TTK: variants seen among roughly 807,000 people sequenced by gnomAD.
TTK encodes dual specificity protein kinase TTK.
In TTK, 59 loss-of-function variants were observed where a neutral mutation model predicts 117.3. The ratio of observed to expected loss-of-function variants is 0.50; its 90% CI spans 0.41 to 0.62. The LOEUF is 0.62. Ranked by LOEUF, TTK falls within the 20% of genes least tolerant of loss-of-function variation. The pLI is 0.00. For synonymous variants in TTK, 302 were observed against 325.0 expected (o/e 0.93, Z 0.76); for missense variants, 921 against 989.4 (o/e 0.93, Z 0.93).
chr6:80,018,073 G>A (rs1461287294), intron 10 of TTK, among the ~76,000 whole-genome samples: 1 of 151,920 alleles, frequency 6.6e-6, no homozygotes, highest in African/African-American at 2.4e-5. Context: ...TATGCAGGAG[G>A]CTGAGGTGAA....
intron 16 of TTK, 33 bp from the exon 17 acceptor site, chr6:80,036,442 T>C (rs1466879419): frequency 1.9e-6 from 3 of 1,570,326 alleles, no homozygotes; most frequent in Non-Finnish European, 1.7e-6. Context: ...TGTTTTGCAT[T>C]GTTTAATATT....
chr6:80,013,396 C>G, intron 9 of TTK, 30 bp downstream of exon 9: 2 of 1,540,350 alleles, frequency 1.3e-6, no homozygotes, highest in Non-Finnish European at 1.8e-6. Flanking sequence ...TTATATAAAG[C>G]AAGGGTTCCT....
intron 13 of TTK, among the ~76,000 whole-genome samples, chr6:80,029,196 T>C (rs900482442): frequency 2.6e-5 from 4 of 152,164 alleles, no homozygotes; most frequent in Admixed American, 2.6e-4. Flanking sequence ...AGTTACTGTT[T>C]AATGGGTATA....
chr6:80,030,939 G>A (rs1160363864), intron 13 of TTK, among the ~76,000 whole-genome samples: 7 of 151,616 alleles, frequency 4.6e-5, no homozygotes, highest in African/African-American at 1.2e-4. Context: ...CCAGCTACTC[G>A]GGAGGCTGAG....
chr6:80,013,171 A>G (rs1022507796), intron 8 of TTK, 108 bp from the exon 9 acceptor site: 2 of 846,900 alleles, frequency 2.4e-6, no homozygotes, highest in East Asian at 3.0e-5. Context: ...GATTTTTTTC[A>G]ATAAAAAGTA....
At chr6:80,019,896 C>T (rs1665928725) in intron 10 of TTK, among the ~76,000 whole-genome samples, 1 of 152,118 alleles carries the variant, frequency 6.6e-6, no homozygotes, top group African/African-American at 2.4e-5. Context: ...GCTGATAATT[C>T]TAAAGACATT....
rs759960783 is a variant in TTK, at chr6:80,010,767, T to G, written c.470-47T>G. On this transcript the variant is annotated intron_variant, in intron 4 of 21. Coordinates refer to ENST00000369798, the MANE Select transcript of TTK (RefSeq NM_003318.5). ...ATACGTATCTGGGTGGTCTGGGTGG[T>G]GGGCATTTTACTGCCTAAAAATGAC... 1.2e-5 allele frequency: 7 copies of G among 577,202 alleles called. No homozygotes were observed. The South Asian group carries it at 1.9e-4, about 15-fold the overall frequency. The allele number at this position is 577,202 out of a possible 1,614,324, so 35.8% of individuals were successfully genotyped here.
chr6:80,008,247 T>C, intron 3 of TTK, 139 bp from the exon 4 acceptor site: 1 of 1,026,186 alleles, frequency 9.7e-7, no homozygotes, highest in Non-Finnish European at 1.4e-6. Context: ...AAGATTTTTT[T>C]AAAATAACTT....
chr6:80,035,666 G>C (rs568179841), intron 16 of TTK, among the ~76,000 whole-genome samples: 2 of 152,096 alleles, frequency 1.3e-5, no homozygotes, highest in African/African-American at 4.8e-5. Flanking sequence ...CAGTATTAAC[G>C]TAGTCTGTCA....
chr6:80,010,820 T>A lies in TTK; in HGVS notation c.476T>A (p.Val159Asp), dbSNP rs1767124303. 2 of 1,607,582 alleles carry A rather than the reference T, an allele frequency of 1.2e-6. No homozygotes were observed. Among genetic ancestry groups the A allele is most frequent in the African/African-American group, 2.7e-5 (2 of 74,624 alleles). Residue 159 changes from valine to aspartate, a missense_variant, in exon 5 of 22, where the codon GTC becomes GAC. By Grantham distance (152) the Val-to-Asp change is radical. Transcript: ENST00000369798. ...FAQFELSQGN[V>D]KKSKQLLQKA... ...TTATCTTTTGCTTTGTTAGGTAATGTCAAAAAAAGTAAACAACTTCTTCAA... is the reference window on the plus strand; with the variant it reads ...TTATCTTTTGCTTTGTTAGGTAATGACAAAAAAAGTAAACAACTTCTTCAA...
At chr6:80,021,531 C>G (rs1767458496) in intron 10 of TTK, among the ~76,000 whole-genome samples, 1 of 152,164 alleles carries the variant, frequency 6.6e-6, no homozygotes, top group South Asian at 2.1e-4. Context: ...TTTTATTAAT[C>G]AAATGCTAGC....
At chr6:80,005,007 T>C (rs953322391) in intron 1 of TTK, 6 of 152,142 alleles carry the variant, frequency 3.9e-5, no homozygotes, top group African/African-American at 1.2e-4. Context: ...CAAAGGACAG[T>C]CTCTCTTGTT....
intron 10 of TTK, among the ~76,000 whole-genome samples, chr6:80,021,958 A>G (rs9341802): frequency 0.3 from 46,061 of 152,116 alleles, 8,490 homozygotes; most frequent in East Asian, 0.63. Flanking sequence ...TCTAAATTGC[A>G]TTTTGAGGGT....
chr6:80,033,506 T>C (rs561151622), intron 14 of TTK, among the ~76,000 whole-genome samples: 1 of 152,330 alleles, frequency 6.6e-6, no homozygotes, highest in African/African-American at 2.4e-5. Flanking sequence ...AGGGATGTTT[T>C]TCTGATTTGC....
chr6:80,039,853 ATCT>A lies in TTK; in HGVS notation c.2291_2293del (p.Leu764del). 6.3e-7 allele frequency: 1 copy of A among 1,575,448 alleles called. No individual in the cohort carries two copies. The highest frequency in any genetic ancestry group is 1.2e-5 in the South Asian group (1 of 82,374). On this transcript the variant is annotated inframe_deletion, in exon 19 of 22. Transcript: ENST00000369798. ...GAATTTCCCGATATTCCAGAGAAAG[ATCT>A]TCAAGATGTGTTAAAGGTAATATTA... is the stretch of plus-strand genomic sequence containing the variant.
intron 13 of TTK, among the ~76,000 whole-genome samples, chr6:80,030,727 G>T (rs1264940260): frequency 6.6e-6 from 1 of 152,070 alleles, no homozygotes; most frequent in Non-Finnish European, 1.5e-5. Context: ...CTCTCACCAG[G>T]CCCCGCCTCC....
intron 13 of TTK, among the ~76,000 whole-genome samples, 180 bp from the exon 14 acceptor site, chr6:80,031,287 A>G (rs1225072920): frequency 6.6e-6 from 1 of 151,846 alleles, no homozygotes; most frequent in Non-Finnish European, 1.5e-5. Context: ...AAGTTTGTCT[A>G]CATTATTTTT....
intron 16 of TTK, among the ~76,000 whole-genome samples, chr6:80,035,792 T>G (rs1275771313): frequency 6.6e-6 from 1 of 152,154 alleles, no homozygotes. Context: ...TTGTATGCCC[T>G]GTGTGAGAAG....
At chr6:80,028,761 C>T (rs1320856465) in intron 13 of TTK, among the ~76,000 whole-genome samples, 1 of 152,084 alleles carries the variant, frequency 6.6e-6, no homozygotes, top group Non-Finnish European at 1.5e-5. Context: ...ATACTAATAA[C>T]TAAACTAAGA....
Sources: gnomAD v4.1 joint callset for allele counts (sites outside exome capture counted in the v4.1 genomes callset) on GRCh38, gnomAD v4.1.1 for gene constraint, MANE v1.5 for transcripts, NCBI Gene and HGNC (gene_info 2026-07-23, HGNC 2026-07-21) for gene names.